Variants in COP1 observed in about 807,000 individuals in gnomAD.
COP1 encodes E3 ubiquitin-protein ligase COP1.
COP1 carries 24 observed loss-of-function variants against 101.3 expected under a neutral mutation model. That is an observed-to-expected ratio of 0.24 (90% CI 0.17 to 0.33). The LOEUF (loss-of-function observed/expected upper bound fraction) is 0.33. Among genes scored for constraint, COP1 ranks in the 10% least tolerant of loss-of-function variants. The pLI is 1.00. For synonymous variants in COP1, 347 were observed against 341.9 expected (o/e 1.01, Z -0.17); for missense variants, 663 against 906.2 (o/e 0.73, Z 3.45).
intron 1 of COP1, among the ~76,000 whole-genome samples, chr1:176,188,860 G>C (rs372975968): frequency 0.014 from 1,728 of 123,934 alleles, 18 homozygotes; most frequent in Non-Finnish European, 0.017. Flanking sequence ...CACACACACA[G>C]ACAGAGAACA....
intron 15 of COP1, among the ~76,000 whole-genome samples, chr1:176,009,689 T>C (rs12125192): frequency 0.068 from 10,329 of 152,286 alleles, 455 homozygotes; most frequent in Non-Finnish European, 0.087. Context: ...AATCCGATTA[T>C]TGTTATTATT....
chr1:176,122,255 T>C (rs1687264658), intron 8 of COP1, among the ~76,000 whole-genome samples: 1 of 152,074 alleles, frequency 6.6e-6, no homozygotes, highest in Non-Finnish European at 1.5e-5. Flanking sequence ...AAAAACCTGG[T>C]CTGAACACAT....
At chr1:175,975,456 C>T (rs1654305767) in intron 18 of COP1, among the ~76,000 whole-genome samples, 1 of 152,154 alleles carries the variant, frequency 6.6e-6, no homozygotes. Context: ...GTCACCCAGG[C>T]TGGAGTGCAG....
At position 176,206,857 on chromosome 1, in the gene COP1, G is replaced by A. The variant is rs200750059; in HGVS notation, c.122C>T (p.Ala41Val). The A allele has an allele frequency of 1.8e-5, 26 of 1,434,614 alleles. 1 individual carries two copies. The South Asian group carries it at 3.3e-4, about 18-fold the overall frequency. The allele number at this position is 1,434,614 out of a possible 1,614,324, so 88.9% of individuals were successfully genotyped here. The change falls in exon 1 of 20, where the codon GCG becomes GTG. Residue 41 changes from alanine (A) to valine (V), a missense_variant. By Grantham distance (64) the Ala-to-Val change is moderately conservative. This residue lies in a region of COP1 where 204 missense variants were observed against 203.6 expected (regional missense o/e 1.00). Transcript: ENST00000367669. Reference protein sequence around the residue: ...LSSSPSPPSVAVSAAALVSGG... With the variant: ...LSSSPSPPSVVVSAAALVSGG... Reference sequence around the variant, plus strand: ...GGACACCAGCGCTGCCGCCGAAACCGCCACGGAAGGCGGCGACGGGGAAGA... The same window carrying A: ...GGACACCAGCGCTGCCGCCGAAACCACCACGGAAGGCGGCGACGGGGAAGA...
At chr1:176,144,359 T>C (rs1691239380) in intron 6 of COP1, among the ~76,000 whole-genome samples, 1 of 151,996 alleles carries the variant, frequency 6.6e-6, no homozygotes, top group Non-Finnish European at 1.5e-5. Context: ...TACAATAGTA[T>C]CAAAAATGAC....
chr1:176,179,097 C>G (rs1054536478), intron 2 of COP1, among the ~76,000 whole-genome samples: 1 of 151,956 alleles, frequency 6.6e-6, no homozygotes, highest in African/African-American at 2.4e-5. Flanking sequence ...TGAGACCAGC[C>G]TGGGCAACAT....
chr1:176,068,863 C>T (rs1280588377), intron 11 of COP1, among the ~76,000 whole-genome samples: 1 of 152,138 alleles, frequency 6.6e-6, no homozygotes, highest in African/African-American at 2.4e-5. Flanking sequence ...TTGCTAAGTA[C>T]AACAACAGCC....
At chr1:176,195,927 C>T (rs61822660) in intron 1 of COP1, among the ~76,000 whole-genome samples, 10,236 of 152,238 alleles carry the variant, frequency 0.067, 425 homozygotes, top group Middle Eastern at 0.12. Flanking sequence ...CTGCCTGTTG[C>T]GTACTATGTC....
At chr1:176,078,296 C>G (rs1236646591) in intron 11 of COP1, among the ~76,000 whole-genome samples, 1 of 152,002 alleles carries the variant, frequency 6.6e-6, no homozygotes, top group Non-Finnish European at 1.5e-5. Context: ...GGTACAAAAA[C>G]AGACATAAGA....
At chr1:176,047,038 A>G (rs1318051004) in intron 11 of COP1, among the ~76,000 whole-genome samples, 1 of 152,190 alleles carries the variant, frequency 6.6e-6, no homozygotes, top group African/African-American at 2.4e-5. Flanking sequence ...AAAACAAGCT[A>G]TTTGAAAGCA....
At chr1:176,001,785 T>G (rs546937089) in intron 15 of COP1, among the ~76,000 whole-genome samples, 3 of 152,260 alleles carry the variant, frequency 2.0e-5, no homozygotes, top group East Asian at 3.9e-4. Flanking sequence ...GGGGTAGGTC[T>G]CCTGACAAAG....
intron 9 of COP1, among the ~76,000 whole-genome samples, chr1:176,115,323 G>T (rs758397362): frequency 6.6e-6 from 1 of 152,076 alleles, no homozygotes; most frequent in East Asian, 1.9e-4. Context: ...GGTGGCACAC[G>T]CTTGTAGTCC....
At chr1:176,017,861 T>A (rs938514390) in intron 15 of COP1, among the ~76,000 whole-genome samples, 17 of 152,178 alleles carry the variant, frequency 1.1e-4, no homozygotes, top group African/African-American at 4.1e-4. Context: ...TAAACCATTT[T>A]TTACTTCCTT....
intron 12 of COP1, among the ~76,000 whole-genome samples, chr1:176,044,426 C>T (rs910245571): frequency 6.6e-6 from 1 of 152,126 alleles, no homozygotes; most frequent in African/African-American, 2.4e-5. Context: ...ATCTGCATCA[C>T]GCATATAGTA....
intron 1 of COP1, chr1:176,206,254 A>C (rs1329967840): frequency 5.8e-6 from 2 of 343,518 alleles, no homozygotes. Flanking sequence ...CCTCTCTGCC[A>C]ACTTTGTTAT....
intron 1 of COP1, among the ~76,000 whole-genome samples, chr1:176,190,651 T>C (rs576441168): frequency 6.6e-6 from 1 of 152,108 alleles, no homozygotes; most frequent in Non-Finnish European, 1.5e-5. Flanking sequence ...CCGGCCCAAG[T>C]AACATCGTTA....
chr1:176,062,302 A>G (rs1434934597), intron 11 of COP1, among the ~76,000 whole-genome samples: 2 of 152,112 alleles, frequency 1.3e-5, no homozygotes, highest in East Asian at 3.9e-4. Flanking sequence ...GAGCCCGGCC[A>G]AGAAAGACCT....
At chr1:176,058,520 G>A (rs1187575222) in intron 11 of COP1, among the ~76,000 whole-genome samples, 3 of 152,048 alleles carry the variant, frequency 2.0e-5, no homozygotes, top group Non-Finnish European at 4.4e-5. Flanking sequence ...GATTAAGGGC[G>A]GTGCAAGATG....
chr1:176,202,363 A>AT (rs1415702378), intron 1 of COP1, among the ~76,000 whole-genome samples: 1 of 151,636 alleles, frequency 6.6e-6, no homozygotes, highest in Non-Finnish European at 1.5e-5. Flanking sequence ...TAATTTTTGT[A>AT]TTTTTTGTAG....
Sources: allele counts gnomAD v4.1 joint callset (sites outside exome capture counted in the v4.1 genomes callset), GRCh38; gene constraint gnomAD v4.1.1; regional missense constraint gnomAD v4.1.1; transcripts MANE v1.5; gene names NCBI Gene and HGNC (gene_info 2026-07-23, HGNC 2026-07-21).